KRABD1: variants seen among roughly 807,000 people sequenced by gnomAD.
KRABD1 encodes the protein KRAB domain-containing protein 1.
At chr3:42,938,676 C>T in the KRABD1 span, 2 of 416,850 alleles carry the variant, frequency 4.8e-6, no homozygotes, top group South Asian at 5.2e-5. Flanking sequence ...ATGATTCTAC[C>T]TCCTTTTTGC....
the KRABD1 span, among the ~76,000 whole-genome samples, chr3:42,939,235 C>T: frequency 1.3e-5 from 2 of 152,186 alleles, no homozygotes; most frequent in East Asian, 3.8e-4. Context: ...ATCCACTGCT[C>T]ATCCCAAAGT....
At chr3:42,937,067 T>C in the KRABD1 span, 1 of 152,224 alleles carries the variant, frequency 6.6e-6, no homozygotes. Flanking sequence ...ACCTAATGTG[T>C]GTCCAGTGTT....
chr3:42,942,557 A>G, the KRABD1 span: 1 of 1,346,722 alleles, frequency 7.4e-7, no homozygotes, highest in African/African-American at 1.5e-5. Context: ...AACTAAGAAG[A>G]TATACTTACT....
At chr3:42,937,801 C>A in the KRABD1 span, 1 of 152,206 alleles carries the variant, frequency 6.6e-6, no homozygotes, top group Non-Finnish European at 1.5e-5. Flanking sequence ...TTTCTGGATT[C>A]ACTAAGAAGA....
At chr3:42,941,407 T>C in the KRABD1 span, 92 of 1,489,746 alleles carry the variant, frequency 6.2e-5, no homozygotes, top group Non-Finnish European at 8.1e-5. Flanking sequence ...AAGGGCTCTT[T>C]TATAATTATT....
the KRABD1 span, among the ~76,000 whole-genome samples, chr3:42,939,325 G>A: frequency 6.6e-6 from 1 of 152,180 alleles, no homozygotes; most frequent in Admixed American, 6.5e-5. Context: ...CATTAAACAT[G>A]CATTCTTTTG....
At chr3:42,941,925 A>T in the KRABD1 span, 7 of 1,328,308 alleles carry the variant, frequency 5.3e-6, no homozygotes, top group South Asian at 7.5e-5. Context: ...GACTATGCTC[A>T]TTATTGTGTT....
At chr3:42,940,144 CAAATT>C in the KRABD1 span, among the ~76,000 whole-genome samples, 2 of 152,172 alleles carry the variant, frequency 1.3e-5, no homozygotes, top group South Asian at 4.1e-4. Flanking sequence ...TGATTCATCT[CAAATT>C]AAAGGTGTGA....
the KRABD1 span, chr3:42,941,157 T>C: frequency 4.1e-6 from 6 of 1,451,724 alleles, no homozygotes; most frequent in Non-Finnish European, 5.5e-6. Context: ...CCTTCTCAGG[T>C]CTCTCATTGG....
the KRABD1 span, among the ~76,000 whole-genome samples, chr3:42,940,482 A>G: frequency 2.2e-4 from 33 of 152,238 alleles, no homozygotes; most frequent in Non-Finnish European, 4.1e-4. Context: ...CACTTGGCTC[A>G]TAGGTTCCCT....
At chr3:42,939,417 T>C in the KRABD1 span, among the ~76,000 whole-genome samples, 1 of 152,258 alleles carries the variant, frequency 6.6e-6, no homozygotes, top group Non-Finnish European at 1.5e-5. Flanking sequence ...TCTTTTTCAC[T>C]ACTGAGTAGT....
the KRABD1 span, chr3:42,936,752 C>G: frequency 9.2e-5 from 14 of 152,338 alleles, no homozygotes; most frequent in African/African-American, 2.2e-4. Context: ...ACATGCCCCT[C>G]GGTCGCTCCA....
At chr3:42,940,368 G>A in the KRABD1 span, among the ~76,000 whole-genome samples, 1 of 152,164 alleles carries the variant, frequency 6.6e-6, no homozygotes, top group African/African-American at 2.4e-5. Flanking sequence ...GACACTCACT[G>A]TTGGTGAGTT....
At chr3:42,941,645 C>G in the KRABD1 span, among the ~76,000 whole-genome samples, 1 of 152,072 alleles carries the variant, frequency 6.6e-6, no homozygotes, top group Admixed American at 6.5e-5. Context: ...TTGTCTCCCT[C>G]TGGGAGTTAC....
chr3:42,938,981 ATG>A, the KRABD1 span: 15 of 1,369,866 alleles, frequency 1.1e-5, no homozygotes, highest in Non-Finnish European at 1.5e-5. Flanking sequence ...GTATATACAT[ATG>A]TGTTTATTAG....
chr3:42,942,204 C>T, the KRABD1 span: 2 of 676,236 alleles, frequency 3.0e-6, no homozygotes, highest in Non-Finnish European at 5.2e-6. Context: ...TTTTTTCTGA[C>T]CGGTGTGTTA....
At chr3:42,940,086 G>A in the KRABD1 span, among the ~76,000 whole-genome samples, 46 of 152,262 alleles carry the variant, frequency 3.0e-4, no homozygotes, top group African/African-American at 9.4e-4. Context: ...ATGTTCTTCT[G>A]TGTTTTCTTC....
At chr3:42,938,849 G>A in the KRABD1 span, 2 of 1,413,156 alleles carry the variant, frequency 1.4e-6, no homozygotes, top group South Asian at 1.3e-5. Context: ...TTTACCTTCA[G>A]CACCTGAGAC....
chr3:42,942,048 A>T, the KRABD1 span: 1 of 1,535,930 alleles, frequency 6.5e-7, no homozygotes, highest in South Asian at 1.2e-5. Context: ...CTAAGCAGGA[A>T]TGACTGGAGA....
Sources: gnomAD v4.1 joint callset for allele counts (sites outside exome capture counted in the v4.1 genomes callset) on GRCh38, gnomAD v4.1.1 for gene constraint, MANE v1.5 for transcripts, NCBI Gene and HGNC (gene_info 2026-07-23, HGNC 2026-07-21) for gene names.